Variants in SPON1 observed in about 807,000 individuals in gnomAD.
SPON1 encodes the protein spondin 1.
A neutral mutation model predicts 111.7 loss-of-function variants in SPON1; 52 were observed. The observed-to-expected ratio is 0.47, with a 90% CI of 0.37 to 0.59. The LOEUF (loss-of-function observed/expected upper bound fraction) is 0.59, where lower values mean the gene tolerates loss of function less well. Among genes scored for constraint, SPON1 ranks in the 20% least tolerant of loss-of-function variants. SPON1 has a pLI of 0.00. For synonymous variants in SPON1, 410 were observed against 395.8 expected, an observed-to-expected ratio of 1.04 and a Z score of -0.43; for missense variants, 957 against 1,068.5, an observed-to-expected ratio of 0.90 and a Z score of 1.46.
chr11:14,174,580 CCT>C (rs1462445233), intron 6 of SPON1, among the ~76,000 whole-genome samples: 1 of 151,554 alleles, frequency 6.6e-6, no homozygotes, highest in African/African-American at 2.4e-5. Context: ...TGTGGCACCT[CCT>C]CTGTTTTCCC....
At position 14,057,839 on chromosome 11, in the gene SPON1, A is replaced by AAC. The variant is rs1554919399; in HGVS notation, c.479+16186_479+16187insCA. On this transcript the variant is annotated intron_variant, in intron 3 of 15. Transcript: ENST00000576479. ...GTGAGACCTTGTCTCTACAAAAAAA[A>AAC]AAAACAAAACAAAAACTTAAAAATA... 1.9e-4 allele frequency among the ~76,000 whole-genome samples: 23 copies of AAC among 121,218 alleles called. 1 individual carries two copies. The highest frequency in any genetic ancestry group is 2.6e-4 in the Non-Finnish European group (14 of 54,594). The allele number at this position is 121,218 out of a possible 152,430, so 79.5% of individuals were successfully genotyped here.
chr11:14,024,361 T>C (rs1848502242), intron 2 of SPON1, among the ~76,000 whole-genome samples: 1 of 152,080 alleles, frequency 6.6e-6, no homozygotes, highest in Non-Finnish European at 1.5e-5. Context: ...CCAGAAAAAT[T>C]TGATCACAGG....
intron 7 of SPON1, among the ~76,000 whole-genome samples, chr11:14,254,025 G>C (rs1554940905): frequency 6.6e-6 from 1 of 152,184 alleles, no homozygotes; most frequent in African/African-American, 2.4e-5. Context: ...AGCAACTGGG[G>C]GTGTCGGCCA....
chr11:14,039,430 A>ATG (rs1398195505), intron 2 of SPON1, among the ~76,000 whole-genome samples: 1 of 151,972 alleles, frequency 6.6e-6, no homozygotes, highest in Non-Finnish European at 1.5e-5. Flanking sequence ...GTGTGTGTGT[A>ATG]TGTGTGTGTA....
In SPON1 at chr11:14,120,122, C is replaced by T. The variant is rs143000866; in HGVS notation, c.677-15298C>T. On this transcript the variant is annotated intron_variant, in intron 5 of 15. Coordinates refer to ENST00000576479, the MANE Select transcript of SPON1 (RefSeq NM_006108.4). Reference sequence around the variant, plus strand: ...ACTAGCTGGGTGGCCCTGGGTGAGTCATTTAATCTGTCTGTGCTTTAATTT... The same window carrying T: ...ACTAGCTGGGTGGCCCTGGGTGAGTTATTTAATCTGTCTGTGCTTTAATTT... Among the ~76,000 whole-genome samples, 6 of 152,244 alleles carry T rather than the reference C, an allele frequency of 3.9e-5. No individual in the cohort carries two copies. In the East Asian group the frequency reaches 1.2e-3, roughly 29 times the overall value.
intron 1 of SPON1, among the ~76,000 whole-genome samples, chr11:13,969,723 G>T (rs1291896735): frequency 6.6e-6 from 1 of 152,188 alleles, no homozygotes; most frequent in African/African-American, 2.4e-5. Flanking sequence ...TTATACGTAA[G>T]ATATAACCCA....
chr11:14,240,186 A>C (rs782757273), intron 6 of SPON1, among the ~76,000 whole-genome samples: 10 of 152,204 alleles, frequency 6.6e-5, no homozygotes, highest in Non-Finnish European at 1.2e-4. Flanking sequence ...CTTTTTCAAC[A>C]ATCTACTGAG....
chr11:14,247,183 G>C (rs7126398), intron 7 of SPON1, among the ~76,000 whole-genome samples: 13,496 of 152,208 alleles, frequency 0.089, 845 homozygotes, highest in African/African-American at 0.16. Context: ...GGAAGCAGGA[G>C]GCTCACTCGA....
intron 4 of SPON1, among the ~76,000 whole-genome samples, chr11:14,078,967 C>T (rs1238743536): frequency 2.6e-5 from 4 of 152,068 alleles, no homozygotes; most frequent in African/African-American, 4.8e-5. Flanking sequence ...ACATTCTTTG[C>T]CACTACTCTT....
chr11:14,193,408 G>A (rs1437474308), intron 6 of SPON1, among the ~76,000 whole-genome samples: 1 of 152,158 alleles, frequency 6.6e-6, no homozygotes, highest in Non-Finnish European at 1.5e-5. Context: ...TTGTGAAGGT[G>A]TATAACGCCC....
intron 1 of SPON1, among the ~76,000 whole-genome samples, chr11:13,969,718 C>T (rs1284211608): frequency 1.3e-5 from 2 of 152,118 alleles, no homozygotes; most frequent in South Asian, 2.1e-4. Context: ...TGAAATTATA[C>T]GTAAGATATA....
At chr11:14,232,872 G>A (rs550398820) in intron 6 of SPON1, among the ~76,000 whole-genome samples, 20 of 152,226 alleles carry the variant, frequency 1.3e-4, no homozygotes, top group African/African-American at 3.1e-4. Context: ...GTGGGGCAGC[G>A]GCGGCAGCAG....
chr11:13,990,373 CTTTTTTTTTTTTTTTTTTTTT>C (rs1159719282), intron 2 of SPON1, among the ~76,000 whole-genome samples: 2 of 21,670 alleles, frequency 9.2e-5, no homozygotes, highest in Non-Finnish European at 2.0e-4. Flanking sequence ...GCAACTCCTG[CTTTTTTTTTTTTTTTTTTTTT>C]TTTTTTTTTT....
At chr11:14,141,974 T>C (rs1188156658) in intron 6 of SPON1, among the ~76,000 whole-genome samples, 3 of 152,160 alleles carry the variant, frequency 2.0e-5, no homozygotes, top group African/African-American at 7.2e-5. Context: ...ATGTATAATG[T>C]CTAAAAGCAT....
chr11:13,997,582 C>T (rs1408059154), intron 2 of SPON1, among the ~76,000 whole-genome samples: 1 of 152,178 alleles, frequency 6.6e-6, no homozygotes, highest in Non-Finnish European at 1.5e-5. Context: ...TCATAAACTC[C>T]ATTCCTCTGT....
At chr11:14,243,530 C>G in intron 7 of SPON1, 134 bp downstream of exon 7, 1 of 752,598 alleles carries the variant, frequency 1.3e-6, no homozygotes, top group Non-Finnish European at 2.3e-6. Context: ...AGGCAAGATG[C>G]TTTCTATGTG....
intron 6 of SPON1, among the ~76,000 whole-genome samples, chr11:14,160,175 A>C (rs2133873043): frequency 6.6e-6 from 1 of 150,382 alleles, no homozygotes; most frequent in East Asian, 2.0e-4. Context: ...ACACCCACAA[A>C]ATTTTTTTAA....
intron 3 of SPON1, among the ~76,000 whole-genome samples, chr11:14,061,795 C>T (rs910709950): frequency 6.6e-6 from 1 of 152,204 alleles, no homozygotes; most frequent in African/African-American, 2.4e-5. Flanking sequence ...CTAATTAATG[C>T]GATTTTCCTA....
rs956636187 is a variant in SPON1 at position 14,024,503 on chromosome 11, G to C, written c.346-17018G>C. 3.3e-5 allele frequency among the ~76,000 whole-genome samples: 5 copies of C among 152,246 alleles called. No individual in the cohort carries two copies. The East Asian group carries it at 9.7e-4, about 30-fold the overall frequency. On this transcript the variant is annotated intron_variant, in intron 2 of 15. Coordinates refer to ENST00000576479, the MANE Select transcript of SPON1 (RefSeq NM_006108.4). ...GCTACCCAGTGGCAGACTGTCCTCT[G>C]ATGGCCCCTGGCTGAACTCCCCTCA...
Sources: gnomAD v4.1 joint callset for allele counts (sites outside exome capture counted in the v4.1 genomes callset) on GRCh38, gnomAD v4.1.1 for gene constraint, MANE v1.5 for transcripts, NCBI Gene and HGNC (gene_info 2026-07-23, HGNC 2026-07-21) for gene names.